GRK5: variants seen among roughly 807,000 people sequenced by gnomAD.
The protein encoded by GRK5 is G protein-coupled receptor kinase 5, also known as g protein-coupled receptor kinase GRK5.
In GRK5, 40 loss-of-function variants were observed where a neutral mutation model predicts 78.4. That is an observed-to-expected ratio of 0.51 (90% CI 0.40 to 0.66). GRK5 has a LOEUF of 0.66. Ranked by LOEUF, GRK5 falls within the 30% of genes least tolerant of loss-of-function variation. GRK5 has a pLI of 0.00. For missense variants in GRK5, 598 were observed against 759.9 expected, an observed-to-expected ratio of 0.79 and a Z score of 2.50; for synonymous variants, 289 against 296.8, an observed-to-expected ratio of 0.97 and a Z score of 0.27.
chr10:119,307,127 G>C (rs1420348493), intron 1 of GRK5, among the ~76,000 whole-genome samples: 1 of 152,084 alleles, frequency 6.6e-6, no homozygotes, highest in Non-Finnish European at 1.5e-5. Context: ...ACGTGCATCA[G>C]CTCATTGATG....
chr10:119,399,238 G>T (rs1172026221), intron 4 of GRK5, among the ~76,000 whole-genome samples: 2 of 152,236 alleles, frequency 1.3e-5, no homozygotes. Context: ...TCCAGGGGAG[G>T]TGGTTGATCC....
intron 2 of GRK5, among the ~76,000 whole-genome samples, chr10:119,366,345 G>T (rs1851449276): frequency 6.6e-6 from 1 of 152,146 alleles, no homozygotes; most frequent in Non-Finnish European, 1.5e-5. Flanking sequence ...GGGCTCTACA[G>T]GGGAGGCAAA....
chr10:119,390,221 C>A (rs547273903), intron 3 of GRK5, among the ~76,000 whole-genome samples: 1 of 152,150 alleles, frequency 6.6e-6, no homozygotes, highest in African/African-American at 2.4e-5. Context: ...GTTTTCAGGC[C>A]GCTTTTAAAG....
chr10:119,228,886 G>A (rs1447160878), intron 1 of GRK5, among the ~76,000 whole-genome samples: 1 of 152,244 alleles, frequency 6.6e-6, no homozygotes, highest in East Asian at 1.9e-4. Flanking sequence ...GCAAGGGTTG[G>A]CCTTCTTAGC....
intron 5 of GRK5, 123 bp from the exon 6 acceptor site, chr10:119,424,870 T>A (rs1190805898): frequency 1.4e-6 from 1 of 713,934 alleles, no homozygotes; most frequent in East Asian, 2.6e-5. Context: ...TGGCCAGACG[T>A]GCTGCATCTG....
rs555648410 is a variant in GRK5, at chr10:119,261,243, T to A, written c.52+53274T>A. Among the ~76,000 whole-genome samples the A allele has an allele frequency of 9.1e-4, 118 of 128,988 alleles. 1 individual carries two copies. Among genetic ancestry groups the A allele is most frequent in the Admixed American group, 1.2e-3 (15 of 12,946 alleles). 84.6% of individuals were successfully genotyped at this position (128,988 alleles called of 152,430 possible). On this transcript the variant is annotated intron_variant, in intron 1 of 15. Coordinates refer to ENST00000392870, the MANE Select transcript of GRK5 (RefSeq NM_005308.3). ...AGACGGGGCGGCCGGGCAGAGACAC[T>A]CCTCACCTCCCAGACGGGGTGGCGG...
chr10:119,443,491 G>A (rs961301417), intron 11 of GRK5, 53 bp from the exon 12 acceptor site: 65 of 1,513,384 alleles, frequency 4.3e-5, no homozygotes, highest in South Asian at 3.1e-4. Flanking sequence ...TGTGAGCAGC[G>A]CCACCAGCTG....
intron 1 of GRK5, among the ~76,000 whole-genome samples, chr10:119,209,062 A>G (rs1160195894): frequency 6.6e-6 from 1 of 152,212 alleles, no homozygotes; most frequent in Non-Finnish European, 1.5e-5. Flanking sequence ...ATACTCGGTG[A>G]GCAGCCCATG....
At position 119,238,649 on chromosome 10, in the gene GRK5, C is replaced by G. The variant is rs936487461; in HGVS notation, c.52+30680C>G. Among the ~76,000 whole-genome samples, 1 of 152,146 alleles carries G rather than the reference C, an allele frequency of 6.6e-6. No homozygotes were observed. The highest frequency in any genetic ancestry group is 1.5e-5 in the Non-Finnish European group (1 of 68,040). On this transcript the variant is annotated intron_variant, in intron 1 of 15. Coordinates refer to ENST00000392870, the MANE Select transcript of GRK5 (RefSeq NM_005308.3). This position sits in a 1 kb window ranked among gnomAD's most constrained non-coding sequence, Gnocchi z 4.7. Reference sequence around the variant, plus strand: ...GACCTGAGCTTCAGTGCCAGAGAGTCGAGCAAAGAGAATATCACTTTTACT... The same window carrying G: ...GACCTGAGCTTCAGTGCCAGAGAGTGGAGCAAAGAGAATATCACTTTTACT...
chr10:119,256,686 G>A (rs1286829948), intron 1 of GRK5, among the ~76,000 whole-genome samples: 3 of 151,848 alleles, frequency 2.0e-5, no homozygotes, highest in Non-Finnish European at 2.9e-5. Context: ...TGTGTCTCTG[G>A]TAATGAATAT....
intron 4 of GRK5, among the ~76,000 whole-genome samples, chr10:119,414,310 A>G (rs899639861): frequency 6.6e-6 from 1 of 152,248 alleles, no homozygotes; most frequent in Non-Finnish European, 1.5e-5. Context: ...AACCATGGCT[A>G]ATGAGCGCGG....
At chr10:119,446,499 C>T (rs905084020) in intron 12 of GRK5, among the ~76,000 whole-genome samples, 11 of 116,062 alleles carry the variant, frequency 9.5e-5, no homozygotes, top group African/African-American at 3.6e-4. Flanking sequence ...CTCGTTTGTG[C>T]CACCTTCCTG....
chr10:119,321,110 C>T (rs1023951984), intron 1 of GRK5, among the ~76,000 whole-genome samples: 1 of 152,244 alleles, frequency 6.6e-6, no homozygotes, highest in Non-Finnish European at 1.5e-5. Context: ...TTCTCTGAGG[C>T]AGGTTTTGTT....
chr10:119,279,641 C>A (rs1849727758), intron 1 of GRK5, among the ~76,000 whole-genome samples: 1 of 152,244 alleles, frequency 6.6e-6, no homozygotes, highest in African/African-American at 2.4e-5. Context: ...GTGGCGGTGG[C>A]CTGCAGCCCT....
chr10:119,250,128 C>G (rs992263917), intron 1 of GRK5, among the ~76,000 whole-genome samples: 1 of 152,136 alleles, frequency 6.6e-6, no homozygotes, highest in Non-Finnish European at 1.5e-5. Flanking sequence ...GGTGAATCTC[C>G]CTGGAAAGCC....
In GRK5 at chr10:119,291,457, G is replaced by A. The variant is rs1002734396; in HGVS notation, c.53-35059G>A. Among the ~76,000 whole-genome samples the A allele has an allele frequency of 2.6e-5, 4 of 152,034 alleles. No individual in the cohort carries two copies. In the East Asian group the frequency reaches 5.8e-4, roughly 22 times the overall value. ...TGGTGTGACCACGGCTGCCTCGGGCGCTGGTGGGTGCAGAGCTGCTTCCTG... is the reference window on the plus strand; with the variant it reads ...TGGTGTGACCACGGCTGCCTCGGGCACTGGTGGGTGCAGAGCTGCTTCCTG... On this transcript the variant is annotated intron_variant, in intron 1 of 15. Transcript: ENST00000392870.
intron 12 of GRK5, among the ~76,000 whole-genome samples, chr10:119,447,772 AC>A (rs1158208458): frequency 2.0e-5 from 3 of 152,208 alleles, no homozygotes; most frequent in Non-Finnish European, 4.4e-5. Context: ...GAGTATGTGC[AC>A]GAGACAGAGC....
intron 1 of GRK5, among the ~76,000 whole-genome samples, chr10:119,268,430 C>A (rs1849535356): frequency 6.6e-6 from 1 of 152,180 alleles, no homozygotes; most frequent in African/African-American, 2.4e-5. Flanking sequence ...TGTCTGAGGA[C>A]CTGCCACAGT....
intron 1 of GRK5, among the ~76,000 whole-genome samples, chr10:119,306,430 C>CAG (rs567120432): frequency 1.2e-3 from 188 of 152,264 alleles, no homozygotes; most frequent in Admixed American, 2.2e-3. Flanking sequence ...GAAACTTGGT[C>CAG]AGGGGCTCCT....
Sources: allele counts gnomAD v4.1 joint callset (sites outside exome capture counted in the v4.1 genomes callset), GRCh38; gene constraint gnomAD v4.1.1; non-coding constraint Gnocchi (gnomAD v3.1); transcripts MANE v1.5; gene names NCBI Gene and HGNC (gene_info 2026-07-23, HGNC 2026-07-21).